Variants in NRXN3 observed in about 807,000 individuals in gnomAD.
The protein encoded by NRXN3 is neurexin 3, also known as neurexin III.
In NRXN3, 32 loss-of-function variants were observed where a neutral mutation model predicts 137.6. The observed-to-expected ratio is 0.23, with a 90% CI of 0.18 to 0.31. The LOEUF is 0.31. NRXN3 is among the 10% of genes least tolerant of loss of function. NRXN3 has a pLI of 1.00. For missense variants in NRXN3, 1,574 were observed against 2,062.5 expected, an observed-to-expected ratio of 0.76 and a Z score of 4.59; for synonymous variants, 798 against 784.5, an observed-to-expected ratio of 1.02 and a Z score of -0.29.
chr14:79,049,100 A>C (rs2099638206), intron 15 of NRXN3, among the ~76,000 whole-genome samples: 2 of 117,096 alleles, frequency 1.7e-5, no homozygotes, highest in Admixed American at 9.6e-5. Flanking sequence ...TAATAATATG[A>C]TGGGGTGTGC....
intron 4 of NRXN3, among the ~76,000 whole-genome samples, chr14:78,601,266 A>T (rs906348581): frequency 1.3e-5 from 2 of 152,154 alleles, no homozygotes; most frequent in African/African-American, 4.8e-5. Flanking sequence ...TTAAAAAAAA[A>T]TCCATTTGCA....
At chr14:78,566,860 G>A (rs935465440) in intron 4 of NRXN3, among the ~76,000 whole-genome samples, 2 of 152,190 alleles carry the variant, frequency 1.3e-5, no homozygotes, top group Non-Finnish European at 2.9e-5. Context: ...TTGGCCCAGA[G>A]GAAGGAAGGA....
At chr14:79,734,982 T>A (rs2098936977) in intron 19 of NRXN3, among the ~76,000 whole-genome samples, 1 of 152,154 alleles carries the variant, frequency 6.6e-6, no homozygotes. Flanking sequence ...AGCCTGAAGT[T>A]TGGAAAAATT....
intron 4 of NRXN3, among the ~76,000 whole-genome samples, chr14:78,535,117 G>A (rs772773784): frequency 6.2e-5 from 9 of 144,526 alleles, no homozygotes; most frequent in Admixed American, 4.9e-4. Context: ...TCCTTGAAAT[G>A]TTTCTGTCTT....
chr14:78,782,429 G>A (rs1478878335), intron 8 of NRXN3, among the ~76,000 whole-genome samples: 1 of 152,164 alleles, frequency 6.6e-6, no homozygotes, highest in Non-Finnish European at 1.5e-5. Context: ...TCTTTTGTCA[G>A]TGAAAACTCT....
At chr14:79,477,106 G>T (rs1233347014) in intron 16 of NRXN3, among the ~76,000 whole-genome samples, 1 of 151,826 alleles carries the variant, frequency 6.6e-6, no homozygotes, top group Non-Finnish European at 1.5e-5. Context: ...AAATACTGCT[G>T]GTTGCTGAGA....
intron 15 of NRXN3, among the ~76,000 whole-genome samples, chr14:79,220,112 G>A (rs897694098): frequency 2.6e-5 from 4 of 152,104 alleles, no homozygotes; most frequent in Non-Finnish European, 5.9e-5. Flanking sequence ...AAAACTGCAT[G>A]CTATCTTTAT....
At chr14:78,288,834 C>G (rs2075472666) in intron 3 of NRXN3, among the ~76,000 whole-genome samples, 1 of 152,226 alleles carries the variant, frequency 6.6e-6, no homozygotes, top group South Asian at 2.1e-4. Context: ...TGGAGACATT[C>G]TTTCCCCTAC....
intron 11 of NRXN3, among the ~76,000 whole-genome samples, chr14:78,959,195 G>T (rs779492604): frequency 6.6e-6 from 1 of 152,148 alleles, no homozygotes; most frequent in Non-Finnish European, 1.5e-5. Flanking sequence ...AAGGAAGAGC[G>T]TCTAGGCACA....
chr14:79,021,101 C>T (rs1327246189), intron 15 of NRXN3, among the ~76,000 whole-genome samples: 1 of 152,132 alleles, frequency 6.6e-6, no homozygotes, highest in African/African-American at 2.4e-5. Flanking sequence ...TAGACATATG[C>T]TCACTGTGAT....
At chr14:79,351,551 A>G (rs745456257) in intron 15 of NRXN3, among the ~76,000 whole-genome samples, 4 of 152,216 alleles carry the variant, frequency 2.6e-5, no homozygotes, top group Non-Finnish European at 5.9e-5. Context: ...GTCACTTAAT[A>G]ACTATCAGCC....
At chr14:79,051,693 T>C (rs1350722744) in intron 15 of NRXN3, among the ~76,000 whole-genome samples, 3 of 152,224 alleles carry the variant, frequency 2.0e-5, no homozygotes, top group African/African-American at 7.2e-5. Context: ...AAGTTAGCCC[T>C]GGTCAGAGGA....
At position 78,674,888 on chromosome 14, in the gene NRXN3, T is replaced by C. The variant is rs1210279436; in HGVS notation, c.1221+23562T>C. On this transcript the variant is annotated intron_variant, in intron 6 of 20. Coordinates refer to ENST00000335750, the MANE Select transcript of NRXN3 (RefSeq NM_001330195.2). Reference sequence around the variant, plus strand: ...AGTCTTCATAATTTCCCATTTACAATAGAGAAGCAAGGCTCTCTGTACTTA... The same window carrying C: ...AGTCTTCATAATTTCCCATTTACAACAGAGAAGCAAGGCTCTCTGTACTTA... Among the ~76,000 whole-genome samples the C allele has an allele frequency of 5.3e-5, 8 of 152,208 alleles. No homozygotes were observed. The East Asian group carries it at 1.5e-3, about 29-fold the overall frequency.
intron 19 of NRXN3, among the ~76,000 whole-genome samples, chr14:79,793,295 G>T (rs555445505): frequency 6.6e-6 from 1 of 152,142 alleles, no homozygotes; most frequent in South Asian, 2.1e-4. Flanking sequence ...TCAGCCGGGC[G>T]CCCCAGCTAT....
chr14:79,132,851 T>C (rs1596328593), intron 15 of NRXN3, among the ~76,000 whole-genome samples: 1 of 152,316 alleles, frequency 6.6e-6, no homozygotes, highest in East Asian at 1.9e-4. Context: ...GGCCCAACAA[T>C]GGGCTCAGCT....
chr14:78,667,975 G>A (rs1050397038), intron 6 of NRXN3, among the ~76,000 whole-genome samples: 9 of 152,066 alleles, frequency 5.9e-5, no homozygotes, highest in East Asian at 1.9e-4. Context: ...TGGTAGAGAC[G>A]GGATTTCACC....
rs184540928 is a variant in NRXN3, at chr14:78,692,939, A to G, written c.1222-16278A>G. 1.5e-3 allele frequency among the ~76,000 whole-genome samples: 230 copies of G among 151,774 alleles called. 1 individual carries two copies. Among genetic ancestry groups the G allele is most frequent in the African/African-American group, 5.4e-3 (224 of 41,362 alleles). On this transcript the variant is annotated intron_variant, in intron 6 of 20. Transcript: ENST00000335750. ...CTACTAATAATACAAATATTAGCTG[A>G]GTGTGTGGTGGCACACGTCTGCAGT...
At chr14:78,342,386 C>T (rs1004385350) in intron 4 of NRXN3, among the ~76,000 whole-genome samples, 9 of 152,140 alleles carry the variant, frequency 5.9e-5, no homozygotes, top group Non-Finnish European at 1.3e-4. Context: ...GGCCACATTT[C>T]GTGGCCCTCT....
intron 4 of NRXN3, among the ~76,000 whole-genome samples, chr14:78,508,235 T>C (rs1160524143): frequency 2.0e-5 from 3 of 152,204 alleles, no homozygotes; most frequent in Non-Finnish European, 2.9e-5. Flanking sequence ...TTACCAATCT[T>C]CTGTAACGAG....
Sources: allele counts gnomAD v4.1 joint callset (sites outside exome capture counted in the v4.1 genomes callset), GRCh38; gene constraint gnomAD v4.1.1; transcripts MANE v1.5; gene names NCBI Gene and HGNC (gene_info 2026-07-23, HGNC 2026-07-21).